KIF1B: variants seen among roughly 807,000 people sequenced by gnomAD.
KIF1B encodes the protein kinesin family member 1B.
A neutral mutation model predicts 241.9 loss-of-function variants in KIF1B; 76 were observed. The observed-to-expected ratio is 0.31, with a 90% confidence interval of 0.26 to 0.38. The LOEUF is 0.38. KIF1B is among the 10% of genes least tolerant of loss of function. KIF1B has a pLI of 1.00. For missense variants in KIF1B, 1,622 were observed against 2,271.4 expected (o/e 0.71, Z 5.81); for synonymous variants, 750 against 796.7 (o/e 0.94, Z 0.99).
chr1:10,250,860 G>C (rs920103316), intron 2 of KIF1B, among the ~76,000 whole-genome samples: 1 of 151,716 alleles, frequency 6.6e-6, no homozygotes, highest in Admixed American at 6.6e-5. Context: ...GATAGAAGCA[G>C]TTATTCTAAA....
At chr1:10,329,078 G>T (rs1310837858) in intron 27 of KIF1B, among the ~76,000 whole-genome samples, 1 of 152,134 alleles carries the variant, frequency 6.6e-6, no homozygotes, top group Non-Finnish European at 1.5e-5. Flanking sequence ...AATCATGTCA[G>T]ATGTAAGTAT....
At chr1:10,327,447 G>A (rs2102303370) in intron 27 of KIF1B, among the ~76,000 whole-genome samples, 2 of 146,390 alleles carry the variant, frequency 1.4e-5, no homozygotes, top group Middle Eastern at 7.3e-3. Flanking sequence ...GTTGCAGTGA[G>A]ACAAGATTGC....
At chr1:10,323,054 G>T (rs575525838) in intron 24 of KIF1B, among the ~76,000 whole-genome samples, 3 of 152,220 alleles carry the variant, frequency 2.0e-5, no homozygotes, top group Non-Finnish European at 4.4e-5. Flanking sequence ...TAGAGACAGG[G>T]TCTCACTGTG....
intron 25 of KIF1B, 37 bp downstream of exon 25, chr1:10,324,099 A>G: frequency 6.2e-7 from 1 of 1,600,226 alleles, no homozygotes; most frequent in Non-Finnish European, 8.5e-7. Context: ...TGTTTTATTT[A>G]GGAAATAACA....
In KIF1B at chr1:10,292,256, C is replaced by T; in HGVS notation, c.1590+134C>T. The T allele has an allele frequency of 4.1e-6, 3 of 729,236 alleles. No individual in the cohort carries two copies. In the South Asian group the frequency reaches 4.5e-5, roughly 11 times the overall value. 45.2% of individuals were successfully genotyped at this position (729,236 alleles called of 1,614,324 possible). On this transcript the variant is annotated intron_variant, in intron 17 of 48. Coordinates refer to ENST00000676179, the MANE Select transcript of KIF1B (RefSeq NM_001365951.3). ...ATACTTGCCTTAATTTCAGATATTT[C>T]TGATTTCATCTTAGAGCATGGTCTT...
intron 13 of KIF1B, 45 bp downstream of exon 13, chr1:10,278,173 C>G: frequency 6.3e-7 from 1 of 1,589,776 alleles, no homozygotes; most frequent in Non-Finnish European, 8.6e-7. Flanking sequence ...CTTTCTTCTT[C>G]AGGGTTCTTA....
Position 10,268,190 on chromosome 1 carries a change from G to A in KIF1B, c.647G>A (p.Arg216His). Residue 216 changes from arginine to histidine, a missense_variant, in exon 7 of 49, where the codon CGT (arginine) becomes CAT (histidine). By Grantham distance (29) the Arg-to-His change is conservative. Coordinates refer to ENST00000676179, the MANE Select transcript of KIF1B (RefSeq NM_001365951.3). ...ACAAACATGAATGAAACAAGTAGCC[G>A]TTCCCACGCTGTGTTTACGATTGTT... The part of the protein sequence containing the change: ...AATNMNETSS[R>H]SHAVFTIVFT... The A allele has an allele frequency of 6.2e-7, 1 of 1,614,010 alleles. No homozygotes were observed. Among genetic ancestry groups the A allele is most frequent in the Non-Finnish European group, 8.5e-7 (1 of 1,179,898 alleles).
chr1:10,263,970 C>G (rs935301350), intron 5 of KIF1B, among the ~76,000 whole-genome samples: 7 of 152,194 alleles, frequency 4.6e-5, no homozygotes, highest in Non-Finnish European at 7.3e-5. Flanking sequence ...ACATTTACTT[C>G]TCCTCTTGCC....
In KIF1B at chr1:10,347,760, G is replaced by T; in HGVS notation, c.3798-1G>T. 1 of 1,612,594 alleles carries T rather than the reference G, an allele frequency of 6.2e-7. No homozygotes were observed. The highest frequency in any genetic ancestry group is 1.1e-5 in the South Asian group (1 of 90,994). On this transcript the variant is annotated splice_acceptor_variant, in intron 35 of 48. Transcript: ENST00000676179. LOFTEE classifies it high-confidence loss of function. Reference sequence around the variant, plus strand: ...TTTTCTTTTGCGTTTCTATTTTTTAGGTATATCCCAGCTGTGGTTGACCAC... The same window carrying T: ...TTTTCTTTTGCGTTTCTATTTTTTATGTATATCCCAGCTGTGGTTGACCAC...
At chr1:10,287,950 C>A (rs1178166981) in intron 15 of KIF1B, among the ~76,000 whole-genome samples, 2 of 152,168 alleles carry the variant, frequency 1.3e-5, no homozygotes, top group East Asian at 3.9e-4. Flanking sequence ...AGTCAAGATG[C>A]CTTGTTTAGG....
chr1:10,289,321 G>A (rs910728964), intron 15 of KIF1B, among the ~76,000 whole-genome samples: 13 of 152,126 alleles, frequency 8.5e-5, no homozygotes, highest in Admixed American at 8.5e-4. Flanking sequence ...TACTGTATTC[G>A]TTCTCAGTCC....
chr1:10,336,605 CT>C (rs1251264747), intron 28 of KIF1B, 51 bp from the exon 29 acceptor site: 25 of 1,409,636 alleles, frequency 1.8e-5, no homozygotes, highest in Non-Finnish European at 2.5e-5. Context: ...TTTTCCCTCC[CT>C]CCCCCTGTGT....
intron 17 of KIF1B, among the ~76,000 whole-genome samples, chr1:10,293,905 C>T (rs1437210541): frequency 6.6e-6 from 1 of 152,194 alleles, no homozygotes; most frequent in African/African-American, 2.4e-5. Flanking sequence ...CATCCAAACT[C>T]AGTCTTAGGA....
intron 22 of KIF1B, among the ~76,000 whole-genome samples, chr1:10,318,219 G>A (rs760290772): frequency 6.6e-6 from 1 of 151,446 alleles, no homozygotes. Flanking sequence ...ACTGACAAAC[G>A]ACCAGAACCA....
intron 48 of KIF1B, 102 bp downstream of exon 48, chr1:10,375,475 C>T: frequency 1.1e-6 from 1 of 925,536 alleles, no homozygotes; most frequent in Non-Finnish European, 1.8e-6. Flanking sequence ...ACCTCCGCCC[C>T]CTGGTTCAAG....
rs1397646864 is a variant in KIF1B at position 10,278,087 on chromosome 1, A to G, written c.1139A>G (p.Lys380Arg). 6.2e-7 allele frequency: 1 copy of G among 1,614,126 alleles called. No homozygotes were observed. The highest frequency in any genetic ancestry group is 8.5e-7 in the Non-Finnish European group (1 of 1,179,976). The change falls in exon 13 of 49, where the codon AAG (lysine) becomes AGG (arginine). Residue 380 changes from lysine (K) to arginine (R), a missense_variant. Lys to Arg is a conservative substitution (Grantham distance 26). Around this residue, in one of 7 missense-constraint regions of KIF1B, gnomAD observed 201 missense variants for 301.2 expected, o/e 0.67. Coordinates refer to ENST00000676179, the MANE Select transcript of KIF1B (RefSeq NM_001365951.3). ...TTAAAGGAGGAGGTGACACGGCTGA[A>G]GGACCTTCTTCGTGCTCAGGGCCTG... ...RELKEEVTRL[K>R]DLLRAQGLGD...
chr1:10,231,684 GC>G (rs1445256296), intron 1 of KIF1B, among the ~76,000 whole-genome samples: 1 of 152,104 alleles, frequency 6.6e-6, no homozygotes, highest in African/African-American at 2.4e-5. Context: ...ACCATGCCTG[GC>G]CCAATGCACT....
At chr1:10,307,516 G>A in intron 22 of KIF1B, 3 of 480,232 alleles carry the variant, frequency 6.2e-6, no homozygotes, top group Non-Finnish European at 8.3e-6. Flanking sequence ...CACCACGTTG[G>A]TCAGGCTGGT....
chr1:10,221,807 T>C (rs1360478526), intron 1 of KIF1B, among the ~76,000 whole-genome samples: 1 of 152,188 alleles, frequency 6.6e-6, no homozygotes, highest in Non-Finnish European at 1.5e-5. Flanking sequence ...TAACAAACTG[T>C]GCTAATATTG....
Sources: allele counts gnomAD v4.1 joint callset (sites outside exome capture counted in the v4.1 genomes callset), GRCh38; gene constraint gnomAD v4.1.1; regional missense constraint gnomAD v4.1.1; transcripts MANE v1.5; gene names NCBI Gene and HGNC (gene_info 2026-07-23, HGNC 2026-07-21).